Variants in MAP2K4 observed in about 807,000 individuals in gnomAD.
MAP2K4 encodes mitogen-activated protein kinase kinase 4.
Under a neutral mutation model 48.5 loss-of-function variants are expected in MAP2K4, and 4 were observed. The observed-to-expected ratio is 0.08, with a 90% CI of 0.04 to 0.19. The LOEUF (loss-of-function observed/expected upper bound fraction) is 0.19, where lower values mean the gene tolerates loss of function less well. Among genes scored for constraint, MAP2K4 ranks in the 10% least tolerant of loss-of-function variants. MAP2K4 has a pLI of 1.00. For synonymous variants in MAP2K4, 166 were observed against 173.1 expected (o/e 0.96, Z 0.32); for missense variants, 258 against 493.3 (o/e 0.52, Z 4.52).
At chr17:12,041,307 T>C (rs1207710240) in intron 1 of MAP2K4, among the ~76,000 whole-genome samples, 39 of 152,242 alleles carry the variant, frequency 2.6e-4, no homozygotes, top group Admixed American at 2.6e-3. Context: ...CAGTATTACC[T>C]TTGTGTGGAA....
In MAP2K4 at chr17:12,085,773, A is replaced by G. The variant is rs112786897; in HGVS notation, c.393+4243A>G. Among the ~76,000 whole-genome samples, 827 of 152,172 alleles carry G rather than the reference A, an allele frequency of 5.4e-3. 4 individuals carry two copies. Among genetic ancestry groups the G allele is most frequent in the Non-Finnish European group, 8.5e-3 (580 of 68,006 alleles). ...CCTCTGCTGACAGTATCAGCAGCCC[A>G]CAGCTCAGCTGTTCCCTGAGTAGAA... On this transcript the variant is annotated intron_variant, in intron 3 of 10. Transcript: ENST00000353533.
intron 1 of MAP2K4, among the ~76,000 whole-genome samples, chr17:12,037,456 T>G (rs1230372145): frequency 6.6e-6 from 1 of 152,126 alleles, no homozygotes; most frequent in Non-Finnish European, 1.5e-5. Flanking sequence ...AACTAAGAAC[T>G]TAGAAAATTC....
chr17:12,030,701 C>T (rs1969409948), intron 1 of MAP2K4, among the ~76,000 whole-genome samples: 2 of 152,086 alleles, frequency 1.3e-5, no homozygotes, highest in African/African-American at 2.4e-5. Flanking sequence ...TTTTCATATA[C>T]CTTACAAATT....
At chr17:12,140,533 G>A (rs536453269) in intron 10 of MAP2K4, among the ~76,000 whole-genome samples, 2 of 152,270 alleles carry the variant, frequency 1.3e-5, no homozygotes, top group East Asian at 3.9e-4. Context: ...GCTAGAGATG[G>A]AGTTTTAAAA....
At chr17:12,105,684 C>T (rs1271101534) in intron 4 of MAP2K4, among the ~76,000 whole-genome samples, 1 of 152,052 alleles carries the variant, frequency 6.6e-6, no homozygotes, top group Non-Finnish European at 1.5e-5. Context: ...TTTTTAAATG[C>T]AGCTCATTGC....
chr17:12,117,358 C>CACATTCA (rs901455385), intron 7 of MAP2K4, among the ~76,000 whole-genome samples: 5 of 151,934 alleles, frequency 3.3e-5, no homozygotes, highest in African/African-American at 1.2e-4. Flanking sequence ...TGCGATGGGT[C>CACATTCA]ACATTCAAAA....
chr17:12,111,345 AATTTT>A (rs1230452017), intron 6 of MAP2K4, among the ~76,000 whole-genome samples: 1 of 152,262 alleles, frequency 6.6e-6, no homozygotes, highest in African/African-American at 2.4e-5. Flanking sequence ...AACATCAGTA[AATTTT>A]ATTTAATTTT....
At chr17:12,054,302 T>C (rs1016397037) in intron 1 of MAP2K4, among the ~76,000 whole-genome samples, 1 of 152,176 alleles carries the variant, frequency 6.6e-6, no homozygotes, top group African/African-American at 2.4e-5. Flanking sequence ...TTTTCTGCCC[T>C]TCTACCATGG....
At chr17:12,105,548 T>TC (rs1020504518) in intron 4 of MAP2K4, among the ~76,000 whole-genome samples, 77 of 152,088 alleles carry the variant, frequency 5.1e-4, no homozygotes. Flanking sequence ...CAGCTTTTTT[T>TC]CCCCCAATAA....
chr17:12,095,416 T>C (rs1272161734), intron 3 of MAP2K4, 159 bp from the exon 4 acceptor site: 10 of 766,554 alleles, frequency 1.3e-5, no homozygotes, highest in Non-Finnish European at 2.2e-5. Context: ...GTAATTCTTG[T>C]GAAGTATAAG....
At chr17:12,111,520 A>T in intron 6 of MAP2K4, among the ~76,000 whole-genome samples, 1 of 149,950 alleles carries the variant, frequency 6.7e-6, no homozygotes. Context: ...GTGTTCTATA[A>T]TTATGAGAGT....
intron 1 of MAP2K4, among the ~76,000 whole-genome samples, chr17:12,025,943 G>A (rs1405071244): frequency 6.6e-6 from 1 of 152,140 alleles, no homozygotes; most frequent in Non-Finnish European, 1.5e-5. Flanking sequence ...TGCAGACAGT[G>A]AAGAGTTTCA....
At chr17:12,121,799 T>C (rs948043356) in intron 7 of MAP2K4, among the ~76,000 whole-genome samples, 1 of 152,188 alleles carries the variant, frequency 6.6e-6, no homozygotes, top group African/African-American at 2.4e-5. Flanking sequence ...TGTTTTTTAT[T>C]GCATAACATT....
At position 12,112,978 on chromosome 17, in the gene MAP2K4, A is replaced by G. The variant is rs1026854708; in HGVS notation, c.686-255A>G. On this transcript the variant is annotated intron_variant, in intron 6 of 10. Transcript: ENST00000353533. ...TTAAGAGAAAAATCAATCCCCATCT[A>G]TATCTTACAGATTAATGTTTGTGAA... 1.9e-4 allele frequency: 51 copies of G among 268,326 alleles called. No homozygotes were observed. The South Asian group carries it at 2.3e-3, about 12-fold the overall frequency. 16.6% of individuals were successfully genotyped at this position (268,326 alleles called of 1,614,324 possible).
At chr17:12,030,940 C>T (rs749205868) in intron 1 of MAP2K4, among the ~76,000 whole-genome samples, 1 of 152,146 alleles carries the variant, frequency 6.6e-6, no homozygotes, top group African/African-American at 2.4e-5. Context: ...CCCTTTTCTT[C>T]CTGAATGTAG....
chr17:12,100,505 C>A (rs937427360), intron 4 of MAP2K4, among the ~76,000 whole-genome samples: 2 of 152,090 alleles, frequency 1.3e-5, no homozygotes, highest in Admixed American at 6.6e-5. Flanking sequence ...TTGTCTGTTA[C>A]TAATAAAGTT....
intron 8 of MAP2K4, among the ~76,000 whole-genome samples, chr17:12,126,252 C>T (rs1471908137): frequency 6.6e-6 from 1 of 152,156 alleles, no homozygotes; most frequent in African/African-American, 2.4e-5. Context: ...TAGAACAACA[C>T]TGAGAAAGAA....
intron 7 of MAP2K4, among the ~76,000 whole-genome samples, chr17:12,119,676 T>A (rs1288251978): frequency 6.6e-6 from 1 of 152,170 alleles, no homozygotes; most frequent in Non-Finnish European, 1.5e-5. Flanking sequence ...CATTCTGTCA[T>A]AAAGACACAT....
chr17:12,074,610 T>A (rs1970933717), intron 2 of MAP2K4, among the ~76,000 whole-genome samples: 1 of 152,212 alleles, frequency 6.6e-6, no homozygotes, highest in Non-Finnish European at 1.5e-5. Flanking sequence ...TTCTTCAGGC[T>A]TGTATAGGTT....
Sources: gnomAD v4.1 joint callset for allele counts (sites outside exome capture counted in the v4.1 genomes callset) on GRCh38, gnomAD v4.1.1 for gene constraint, MANE v1.5 for transcripts, NCBI Gene and HGNC (gene_info 2026-07-23, HGNC 2026-07-21) for gene names.